Variants in SEL1L3 observed in about 807,000 individuals in gnomAD.
SEL1L3 encodes the protein protein sel-1 homolog 3.
A neutral mutation model predicts 142.8 loss-of-function variants in SEL1L3; 76 were observed. The ratio of observed to expected loss-of-function variants is 0.53; its 90% CI spans 0.44 to 0.64. The LOEUF (loss-of-function observed/expected upper bound fraction) is 0.64. Ranked by LOEUF, SEL1L3 falls within the 30% of genes least tolerant of loss-of-function variation. The pLI is 0.00. For synonymous variants in SEL1L3, 504 were observed against 519.6 expected (o/e 0.97, Z 0.41); for missense variants, 1,262 against 1,381.7 (o/e 0.91, Z 1.37).
At chr4:25,734,828 C>T in the SEL1L3 span, among the ~76,000 whole-genome samples, 1 of 152,154 alleles carries the variant, frequency 6.6e-6, no homozygotes, top group African/African-American at 2.4e-5. Flanking sequence ...CTCAGCCTCC[C>T]AAAATGCTGG....
At chr4:25,787,508 C>T (rs924107682) in intron 13 of SEL1L3, among the ~76,000 whole-genome samples, 9 of 152,126 alleles carry the variant, frequency 5.9e-5, no homozygotes, top group South Asian at 2.1e-4. Context: ...TTAGTAGAGA[C>T]GGGGTTTCAC....
chr4:25,825,569 T>G, intron 6 of SEL1L3, among the ~76,000 whole-genome samples: 1 of 151,838 alleles, frequency 6.6e-6, no homozygotes, highest in East Asian at 1.9e-4. Context: ...GAAGTTTCTG[T>G]GGTATGAGAA....
the SEL1L3 span, among the ~76,000 whole-genome samples, chr4:25,727,164 T>C: frequency 6.6e-6 from 1 of 152,166 alleles, no homozygotes. Flanking sequence ...GCAATTCTCC[T>C]GCCTCAGCCT....
At position 25,830,111 on chromosome 4, in the gene SEL1L3, T is replaced by C. The variant is rs1715340001; in HGVS notation, c.1144A>G (p.Asn382Asp). 1 of 1,610,508 alleles carries C rather than the reference T, an allele frequency of 6.2e-7. No homozygotes were observed. Among genetic ancestry groups the C allele is most frequent in the Non-Finnish European group, 8.5e-7 (1 of 1,176,896 alleles). The change falls in exon 6 of 24, where the codon AAT becomes GAT. Residue 382 changes from asparagine to aspartate, a missense_variant. Coordinates refer to ENST00000399878, the MANE Select transcript of SEL1L3 (RefSeq NM_015187.5). ...SIGQDLKSYH[N>D]QTISFREDFH... ...AATCGCACTTACCTAATGGTCTGAT[T>C]GTGGTAGCTTTTCAAATCCTGTCCA...
intron 1 of SEL1L3, among the ~76,000 whole-genome samples, chr4:25,850,442 C>T (rs922008059): frequency 3.9e-5 from 6 of 152,176 alleles, no homozygotes; most frequent in Non-Finnish European, 7.3e-5. Flanking sequence ...GATAACACAT[C>T]GTACTGACCA....
chr4:25,789,929 G>C (rs750530203), intron 12 of SEL1L3, among the ~76,000 whole-genome samples: 14 of 152,172 alleles, frequency 9.2e-5, no homozygotes, highest in African/African-American at 7.2e-5. Flanking sequence ...CAAGAGACAA[G>C]GTTGATCCTT....
intron 11 of SEL1L3, among the ~76,000 whole-genome samples, chr4:25,797,143 C>G (rs1712821997): frequency 6.9e-6 from 1 of 144,368 alleles, no homozygotes. Flanking sequence ...GGAAGGGGAG[C>G]AGGTGAGGGT....
chr4:25,806,108 G>A (rs1458309866), intron 9 of SEL1L3, among the ~76,000 whole-genome samples: 2 of 147,732 alleles, frequency 1.4e-5, no homozygotes, highest in African/African-American at 5.0e-5. Flanking sequence ...GCGCGATCTC[G>A]GTTCACTGCA....
the SEL1L3 span, among the ~76,000 whole-genome samples, chr4:25,739,504 A>T: frequency 6.6e-6 from 1 of 152,116 alleles, no homozygotes; most frequent in Non-Finnish European, 1.5e-5. Context: ...CAAGAGATCG[A>T]GACCATCCTG....
intron 5 of SEL1L3, among the ~76,000 whole-genome samples, 155 bp downstream of exon 5, chr4:25,832,840 A>G (rs1226741402): frequency 1.3e-5 from 2 of 152,248 alleles, no homozygotes; most frequent in Non-Finnish European, 2.9e-5. Context: ...ACTTCCATCT[A>G]TGAAAGTTTG....
intron 23 of SEL1L3, among the ~76,000 whole-genome samples, chr4:25,753,600 G>T (rs1361496721): frequency 1.3e-5 from 2 of 152,236 alleles, no homozygotes; most frequent in Non-Finnish European, 2.9e-5. Context: ...CGCCTTTGCA[G>T]CAGCTTCTCC....
chr4:25,792,306 C>T (rs1712396514), intron 11 of SEL1L3, among the ~76,000 whole-genome samples: 1 of 152,196 alleles, frequency 6.6e-6, no homozygotes, highest in Admixed American at 6.5e-5. Flanking sequence ...AAACCATGAA[C>T]TCCAGGTGAA....
chr4:25,728,778 C>T, the SEL1L3 span, among the ~76,000 whole-genome samples: 1 of 149,424 alleles, frequency 6.7e-6, no homozygotes, highest in Non-Finnish European at 1.5e-5. Flanking sequence ...GAGGCTGGGG[C>T]AGAAGAATTG....
At chr4:25,762,879 GGCA>G (rs1174413352) in intron 20 of SEL1L3, among the ~76,000 whole-genome samples, 1 of 151,966 alleles carries the variant, frequency 6.6e-6, no homozygotes, top group Non-Finnish European at 1.5e-5. Flanking sequence ...GGGAGGCTGA[GGCA>G]GGAGAATCAC....
At chr4:25,811,763 T>TG (rs1480008187) in intron 9 of SEL1L3, among the ~76,000 whole-genome samples, 1 of 149,862 alleles carries the variant, frequency 6.7e-6, no homozygotes, top group Non-Finnish European at 1.5e-5. Flanking sequence ...TTTTTTTTTT[T>TG]TTTGTTGTTG....
At chr4:25,758,099 C>T (rs1036620275) in intron 21 of SEL1L3, among the ~76,000 whole-genome samples, 5 of 152,296 alleles carry the variant, frequency 3.3e-5, no homozygotes, top group African/African-American at 9.6e-5. Context: ...TCAAGCAAGA[C>T]GCTGAAGAAC....
the SEL1L3 span, chr4:25,721,169 A>G: frequency 6.6e-6 from 1 of 152,098 alleles, no homozygotes; most frequent in Admixed American, 6.6e-5. Flanking sequence ...TTTTGGTCTC[A>G]GATTTGCATG....
chr4:25,716,190 T>C, the SEL1L3 span, among the ~76,000 whole-genome samples: 342 of 151,950 alleles, frequency 2.3e-3, 3 homozygotes, highest in South Asian at 0.025. Context: ...AAAAATCCAA[T>C]ATGAAAATGA....
At chr4:25,775,743 G>T (rs1221527599) in intron 17 of SEL1L3, among the ~76,000 whole-genome samples, 1 of 152,220 alleles carries the variant, frequency 6.6e-6, no homozygotes, top group Non-Finnish European at 1.5e-5. Flanking sequence ...AACTCCACCA[G>T]AAGGTTAGGA....
Sources: allele counts gnomAD v4.1 joint callset (sites outside exome capture counted in the v4.1 genomes callset), GRCh38; gene constraint gnomAD v4.1.1; transcripts MANE v1.5; gene names NCBI Gene and HGNC (gene_info 2026-07-23, HGNC 2026-07-21).